TCF25: variants seen among roughly 807,000 people sequenced by gnomAD.
TCF25 encodes TCF25 ribosome quality control complex subunit, also known as ribosome quality control complex subunit TCF25.
In TCF25, 41 loss-of-function variants were observed where a neutral mutation model predicts 83.1. The ratio of observed to expected loss-of-function variants is 0.49; its 90% CI spans 0.38 to 0.64. The LOEUF is 0.64. TCF25 is among the 30% of genes least tolerant of loss of function. TCF25 has a pLI of 0.00. For missense variants in TCF25, 979 were observed against 914.5 expected, an observed-to-expected ratio of 1.07 and a Z score of -0.91; for synonymous variants, 458 against 365.0, an observed-to-expected ratio of 1.25 and a Z score of -2.90.
At position 89,873,651 on chromosome 16, in the gene TCF25, C is replaced by T. The variant is rs377564706; in HGVS notation, c.-17C>T. ...CTTCCTTCTCCCTCTCTCCAGACGT[C>T]GTGGTCGTTCGGTCCTATGTCGCGC... On this transcript the variant is annotated 5_prime_UTR_variant, in exon 1 of 18. Coordinates refer to ENST00000263346, the MANE Select transcript of TCF25 (RefSeq NM_014972.3). 4.5e-6 allele frequency: 7 copies of T among 1,557,876 alleles called. No individual in the cohort carries two copies. Among genetic ancestry groups the T allele is most frequent in the East Asian group, 4.9e-5 (2 of 41,226 alleles).
chr16:89,898,534 A>G lies in TCF25; in HGVS notation c.1023-23A>G, dbSNP rs1364992458. ...ATTCTCCTTTGTGTCGTTGTAATTC[A>G]TGTGGAACTATTTTGGATCTAGGAG... On this transcript the variant is annotated intron_variant, in intron 9 of 17. Transcript: ENST00000263346. The G allele has an allele frequency of 1.9e-6, 3 of 1,579,044 alleles. No individual in the cohort carries two copies. The South Asian group carries it at 3.3e-5, about 18-fold the overall frequency.
In TCF25 at chr16:89,905,116, A is replaced by C. The variant is rs780058459; in HGVS notation, c.1628+20A>C. 10 of 1,558,710 alleles carry C rather than the reference A, an allele frequency of 6.4e-6. No individual in the cohort carries two copies. The East Asian group carries it at 2.3e-4, about 36-fold the overall frequency. On this transcript the variant is annotated intron_variant, in intron 14 of 17. Transcript: ENST00000263346. Reference sequence around the variant, plus strand: ...GAACCGGTGAGCTAGGGGTTGACACAAGCCCTGCCACGCCCCCTCCTCAGG... The same window carrying C: ...GAACCGGTGAGCTAGGGGTTGACACCAGCCCTGCCACGCCCCCTCCTCAGG...
rs748591483 is a variant in TCF25 at position 89,885,898 on chromosome 16, C to T, written c.480C>T (p.Ser160=). ...GCATCCTAGAGAGGATTGAGGACAGCACTGGGTTGAACCGTCCCGGCCCAG... is the reference window on the plus strand; with the variant it reads ...GCATCCTAGAGAGGATTGAGGACAGTACTGGGTTGAACCGTCCCGGCCCAG... ...IDRILERIED[S]TGLNRPGPAP... is the part of the protein sequence containing the mutation. The change falls in exon 4 of 18, where the codon AGC becomes AGT. Residue 160 remains serine, a synonymous_variant. Coordinates refer to ENST00000263346, the MANE Select transcript of TCF25 (RefSeq NM_014972.3). 3 of 1,614,128 alleles carry T rather than the reference C, an allele frequency of 1.9e-6. No homozygotes were observed. The South Asian group carries it at 3.3e-5, about 18-fold the overall frequency.
intron 1 of TCF25, among the ~76,000 whole-genome samples, chr16:89,875,777 C>G (rs1380246840): frequency 6.7e-6 from 1 of 148,880 alleles, no homozygotes. Context: ...CTGCCTCGGC[C>G]TCCCAAAGTG....
intron 11 of TCF25, among the ~76,000 whole-genome samples, chr16:89,899,247 C>T (rs951708996): frequency 6.6e-6 from 1 of 152,232 alleles, no homozygotes; most frequent in Non-Finnish European, 1.5e-5. Context: ...GGGTTGGTTG[C>T]GTGGGGCTGA....
At chr16:89,889,274 C>G (rs1024849709) in intron 5 of TCF25, 1 of 389,534 alleles carries the variant, frequency 2.6e-6, no homozygotes, top group South Asian at 2.0e-5. Context: ...AACTCGTGGC[C>G]TCAAGTGATC....
chr16:89,876,692 C>T (rs939730752), intron 1 of TCF25, among the ~76,000 whole-genome samples: 22 of 151,468 alleles, frequency 1.5e-4, no homozygotes, highest in African/African-American at 4.4e-4. Context: ...TTTGGGAGGC[C>T]GACGTGGGCG....
At chr16:89,910,400 T>A (rs1216017527) in intron 16 of TCF25, 191 bp from the exon 17 acceptor site, 11 of 622,630 alleles carry the variant, frequency 1.8e-5, no homozygotes, top group Non-Finnish European at 2.6e-5. Context: ...AGCCCCACCC[T>A]AAGCTGATGA....
At chr16:89,877,747 TGGAG>T (rs1426508491) in intron 1 of TCF25, among the ~76,000 whole-genome samples, 1 of 151,984 alleles carries the variant, frequency 6.6e-6, no homozygotes, top group Non-Finnish European at 1.5e-5. Flanking sequence ...GATTGACTGA[TGGAG>T]GGAAAAAGGG....
intron 1 of TCF25, among the ~76,000 whole-genome samples, chr16:89,882,869 G>A (rs1200033232): frequency 6.6e-6 from 1 of 152,202 alleles, no homozygotes; most frequent in African/African-American, 2.4e-5. Context: ...TCACAGGCGC[G>A]AGCACCTCGC....
intron 1 of TCF25, 95 bp from the exon 2 acceptor site, chr16:89,883,256 C>CA: frequency 4.6e-6 from 7 of 1,521,754 alleles, no homozygotes; most frequent in Non-Finnish European, 6.2e-6. Flanking sequence ...TGGGGGTCCC[C>CA]AACGCAAGCC....
Position 89,907,237 on chromosome 16 carries a change from C to T in TCF25, c.1720-6C>T, listed in dbSNP as rs1328172799. 1 of 1,612,596 alleles carries T rather than the reference C, an allele frequency of 6.2e-7. No individual in the cohort carries two copies. Reference sequence around the variant, plus strand: ...TAGCATCTTCGTTTTATGTCCCTTTCTGAAGGACGTGACCACGCAGTCTGT... The same window carrying T: ...TAGCATCTTCGTTTTATGTCCCTTTTTGAAGGACGTGACCACGCAGTCTGT... On this transcript the variant is annotated splice_region_variant and splice_polypyrimidine_tract_variant and intron_variant, in intron 15 of 17. Transcript: ENST00000263346.
At chr16:89,880,833 A>G (rs959869314) in intron 1 of TCF25, among the ~76,000 whole-genome samples, 3 of 152,160 alleles carry the variant, frequency 2.0e-5, no homozygotes, top group African/African-American at 4.8e-5. Flanking sequence ...CAGGTTAGAA[A>G]CATTTCAACA....
chr16:89,901,371 G>T (rs1016652076), intron 12 of TCF25, among the ~76,000 whole-genome samples: 1 of 151,870 alleles, frequency 6.6e-6, no homozygotes, highest in Non-Finnish European at 1.5e-5. Context: ...CCGAGGAGCT[G>T]TGAGGGGTGA....
rs762532526 is a variant in TCF25, at chr16:89,884,649, A to G, written c.422A>G (p.Glu141Gly). Residue 141 changes from glutamate to glycine, a missense_variant, in exon 3 of 18, where the codon GAA becomes GGA. By Grantham distance (98) the Glu-to-Gly change is moderately conservative. Transcript: ENST00000263346. ...AAAAACAAGAAAAGCAGCACGGGAGAAGCATCGGTACGTGAGTTGGGCCTG... is the reference window on the plus strand; with the variant it reads ...AAAAACAAGAAAAGCAGCACGGGAGGAGCATCGGTACGTGAGTTGGGCCTG... Reference protein sequence around the residue: ...KQKNKKSSTGEASENGLEDID... With the variant: ...KQKNKKSSTGGASENGLEDID... 8.5e-5 allele frequency: 137 copies of G among 1,612,056 alleles called. No homozygotes were observed. The highest frequency in any genetic ancestry group is 1.1e-4 in the Non-Finnish European group (135 of 1,179,014).
intron 12 of TCF25, among the ~76,000 whole-genome samples, chr16:89,901,483 C>T (rs1296153080): frequency 7.8e-6 from 1 of 128,938 alleles, no homozygotes; most frequent in Non-Finnish European, 1.8e-5. Flanking sequence ...CGGTGGCTCA[C>T]GCCTGTAATC....
chr16:89,873,813 G>A lies in TCF25; in HGVS notation c.146G>A (p.Gly49Glu). 6.3e-7 allele frequency: 1 copy of A among 1,595,336 alleles called. No individual in the cohort carries two copies. The change falls in exon 1 of 18, where the codon GGG becomes GAG. Residue 49 changes from glycine to glutamate, a missense_variant. By Grantham distance (98) the Gly-to-Glu change is moderately conservative. Transcript: ENST00000263346. ...PKRELGVRRPGGAGKEGVRVN... is the reference protein window; with the variant it reads ...PKRELGVRRPEGAGKEGVRVN... ...CGGGAGCTTGGTGTCCGGCGTCCCG[G>A]GGGCGCAGGGAAGGAGGGCGTCCGA...
intron 16 of TCF25, chr16:89,910,186 A>G (rs1465490318): frequency 4.8e-6 from 1 of 206,802 alleles, no homozygotes; most frequent in Non-Finnish European, 9.9e-6. Context: ...AGCCCTTCGC[A>G]CCGTGAGGGT....
chr16:89,910,594 A>G lies in TCF25; in HGVS notation c.1803A>G (p.Leu601=). ...TIYSYVRPER[L]SPISHGNTIA... is the part of the protein sequence containing the mutation. Reference sequence around the variant, plus strand: ...ACTTTTCTTGACTTTCTTTCAGGCTAAGTCCTATCAGCCATGGAAACACCA... The same window carrying G: ...ACTTTTCTTGACTTTCTTTCAGGCTGAGTCCTATCAGCCATGGAAACACCA... Residue 601 remains leucine, a synonymous_variant, in exon 17 of 18, where the codon CTA becomes CTG. Transcript: ENST00000263346. 1 of 1,613,638 alleles carries G rather than the reference A, an allele frequency of 6.2e-7. No individual in the cohort carries two copies.
Sources: allele counts gnomAD v4.1 joint callset (sites outside exome capture counted in the v4.1 genomes callset), GRCh38; gene constraint gnomAD v4.1.1; transcripts MANE v1.5; gene names NCBI Gene and HGNC (gene_info 2026-07-23, HGNC 2026-07-21).